Variants in SLC6A20 observed in about 807,000 individuals in gnomAD.
The protein encoded by SLC6A20 is solute carrier family 6 member 20, also known as sodium- and chloride-dependent transporter XTRP3.
In SLC6A20, 73 loss-of-function variants were observed where a neutral mutation model predicts 64.3. The observed-to-expected ratio is 1.14, with a 90% confidence interval of 0.94 to 1.38. SLC6A20 has a LOEUF of 1.38. SLC6A20 is among the 40% of genes most tolerant of loss of function. The pLI, the probability that SLC6A20 is intolerant of heterozygous loss-of-function variation, is 0.00. For missense variants in SLC6A20, 725 were observed against 772.8 expected, an observed-to-expected ratio of 0.94 and a Z score of 0.73; for synonymous variants, 347 against 329.6, an observed-to-expected ratio of 1.05 and a Z score of -0.57.
chr3:45,773,331 A>C (rs1265199800), intron 4 of SLC6A20, among the ~76,000 whole-genome samples: 2 of 152,250 alleles, frequency 1.3e-5, no homozygotes, highest in Admixed American at 6.5e-5. Flanking sequence ...CTTAGGCTTT[A>C]ACATTACACC....
intron 1 of SLC6A20, among the ~76,000 whole-genome samples, chr3:45,789,265 G>C (rs1344660233): frequency 6.6e-6 from 1 of 152,010 alleles, no homozygotes; most frequent in African/African-American, 2.4e-5. Context: ...TAAATCACTT[G>C]AGAAAAAAAG....
intron 1 of SLC6A20, among the ~76,000 whole-genome samples, chr3:45,786,670 T>C (rs1700174917): frequency 6.6e-6 from 1 of 152,236 alleles, no homozygotes; most frequent in African/African-American, 2.4e-5. Context: ...AACTATCCTA[T>C]TTCTCATACT....
chr3:45,785,872 T>A (rs897532183), intron 1 of SLC6A20, among the ~76,000 whole-genome samples: 1 of 152,144 alleles, frequency 6.6e-6, no homozygotes, highest in Admixed American at 6.5e-5. Context: ...GGCCTCAGGA[T>A]GCCTTGCAGC....
At chr3:45,782,349 T>A in intron 1 of SLC6A20, 126 bp from the exon 2 acceptor site, 1 of 1,273,748 alleles carries the variant, frequency 7.9e-7, no homozygotes, top group Non-Finnish European at 1.1e-6. Context: ...CTCCTACCTT[T>A]CCATCATCCA....
In SLC6A20 at chr3:45,775,769, T is replaced by G; in HGVS notation, c.574A>C (p.Thr192Pro). The G allele has an allele frequency of 6.2e-7, 1 of 1,613,470 alleles. No homozygotes were observed. The highest frequency in any genetic ancestry group is 1.1e-5 in the South Asian group (1 of 91,052). Residue 192 changes from threonine (T) to proline (P), a missense_variant, in exon 4 of 11, where the codon ACT (threonine) becomes CCT (proline). Coordinates refer to ENST00000358525, the MANE Select transcript of SLC6A20 (RefSeq NM_020208.4). ...GTGCCTCACTGTCCCACCTTGCCAGTGGACTCGGTGCCACGCAGGATGCAC... is the reference window on the plus strand; with the variant it reads ...GTGCCTCACTGTCCCACCTTGCCAGGGGACTCGGTGCCACGCAGGATGCAC... ...YLCILRGTES[T>P]GKVVYFTASL...
intron 1 of SLC6A20, among the ~76,000 whole-genome samples, chr3:45,787,648 C>G (rs1700191453): frequency 6.6e-6 from 1 of 152,104 alleles, no homozygotes; most frequent in African/African-American, 2.4e-5. Context: ...TCACTCAAAA[C>G]TAAGACCCAC....
rs981023169 is a variant in SLC6A20 at position 45,758,154 on chromosome 3, G to C, written c.*824C>G. On this transcript the variant is annotated 3_prime_UTR_variant, in exon 11 of 11. Coordinates refer to ENST00000358525, the MANE Select transcript of SLC6A20 (RefSeq NM_020208.4). The stretch of plus-strand genomic sequence containing the variant: ...GCTGGCCTCAAACTCCTGACCTCAA[G>C]TGATCCACCCACCTTGACCCCCAAG... The C allele has an allele frequency of 5.9e-6, 1 of 169,250 alleles. No homozygotes were observed. Among genetic ancestry groups the C allele is most frequent in the African/African-American group, 2.4e-5 (1 of 41,562 alleles). 10.5% of individuals were successfully genotyped at this position (169,250 alleles called of 1,614,324 possible).
intron 9 of SLC6A20, among the ~76,000 whole-genome samples, chr3:45,762,533 G>A (rs1699701925): frequency 6.6e-6 from 1 of 152,230 alleles, no homozygotes; most frequent in African/African-American, 2.4e-5. Context: ...ATTTTCTAAG[G>A]TCTAAGTTAT....
chr3:45,774,442 C>T (rs781182579), intron 4 of SLC6A20, among the ~76,000 whole-genome samples: 8 of 152,152 alleles, frequency 5.3e-5, no homozygotes, highest in Non-Finnish European at 8.8e-5. Context: ...CCAGGCTCTA[C>T]GATGGGACTG....
In SLC6A20 at chr3:45,765,055, A is replaced by C. The variant is rs1183575218; in HGVS notation, c.1303+482T>G. Among the ~76,000 whole-genome samples the C allele has an allele frequency of 2.0e-5, 3 of 151,780 alleles. No individual in the cohort carries two copies. The highest frequency in any genetic ancestry group is 4.4e-5 in the Non-Finnish European group (3 of 67,948). Reference sequence around the variant, plus strand: ...TGGTGAAACCCCTTCTCTACTAAAAATACAAAAATTAGCCAGGTGTCATGG... The same window carrying C: ...TGGTGAAACCCCTTCTCTACTAAAACTACAAAAATTAGCCAGGTGTCATGG... On this transcript the variant is annotated intron_variant, in intron 8 of 10. Coordinates refer to ENST00000358525, the MANE Select transcript of SLC6A20 (RefSeq NM_020208.4). This position sits in a 1 kb window ranked among gnomAD's most constrained non-coding sequence, Gnocchi z 4.2.
chr3:45,765,806 G>T lies in SLC6A20; in HGVS notation c.1099-65C>A. The T allele has an allele frequency of 1.3e-6, 2 of 1,564,118 alleles. No homozygotes were observed. The highest frequency in any genetic ancestry group is 1.8e-6 in the Non-Finnish European group (2 of 1,140,464). ...ACTTATAGTCTTATTCACGCACTCAGTACTAAGCAACATGGGGGACCTTGG... is the reference window on the plus strand; with the variant it reads ...ACTTATAGTCTTATTCACGCACTCATTACTAAGCAACATGGGGGACCTTGG... On this transcript the variant is annotated intron_variant, in intron 7 of 10. Transcript: ENST00000358525. The surrounding 1 kb of genome is among the most constrained non-coding windows in gnomAD (Gnocchi z 4.2).
chr3:45,784,564 T>C (rs1305433168), intron 1 of SLC6A20, among the ~76,000 whole-genome samples: 1 of 152,096 alleles, frequency 6.6e-6, no homozygotes, highest in African/African-American at 2.4e-5. Context: ...AACTATAGAC[T>C]GGGAGAAAAT....
Position 45,759,116 on chromosome 3 carries a change from C to A in SLC6A20, c.1641G>T (p.Val547=). Reference sequence around the variant, plus strand: ...GTGCATAGGCCGGGTAATCTTTGGTCACGAGCTGGCCCTGAAAGGAGAGAC... The same window carrying A: ...GTGCATAGGCCGGGTAATCTTTGGTAACGAGCTGGCCCTGAAAGGAGAGAC... ...QAWDASQGQL[V]TKDYPAYALA... The change falls in exon 11 of 11, where the codon GTG becomes GTT. Residue 547 remains valine (V), a synonymous_variant. Transcript: ENST00000358525. The A allele has an allele frequency of 1.2e-6, 2 of 1,610,314 alleles. No homozygotes were observed. The highest frequency in any genetic ancestry group is 2.2e-5 in the South Asian group (2 of 90,166).
chr3:45,780,578 G>A (rs994002240), intron 2 of SLC6A20, among the ~76,000 whole-genome samples: 10 of 152,178 alleles, frequency 6.6e-5, no homozygotes, highest in African/African-American at 1.9e-4. Flanking sequence ...GCTCACCAGC[G>A]GTTGAGTCAC....
chr3:45,773,405 T>G (rs996147487), intron 4 of SLC6A20, among the ~76,000 whole-genome samples: 2 of 152,222 alleles, frequency 1.3e-5, no homozygotes. Flanking sequence ...AGTTCAATGA[T>G]GTTTTGTTAA....
chr3:45,788,752 C>T (rs1374934919), intron 1 of SLC6A20, among the ~76,000 whole-genome samples: 1 of 152,114 alleles, frequency 6.6e-6, no homozygotes, highest in Non-Finnish European at 1.5e-5. Flanking sequence ...ACTCATGTGG[C>T]TACAAAGGAC....
rs943056818 is a variant in SLC6A20 at position 45,758,883 on chromosome 3, G to C, written c.*95C>G. On this transcript the variant is annotated 3_prime_UTR_variant, in exon 11 of 11. Transcript: ENST00000358525. Reference sequence around the variant, plus strand: ...TAGACACTCAGGAAGTTGATGGGCTGAGCACTCCTGGCTTAAGCATTTGAA... The same window carrying C: ...TAGACACTCAGGAAGTTGATGGGCTCAGCACTCCTGGCTTAAGCATTTGAA... 1 of 1,453,278 alleles carries C rather than the reference G, an allele frequency of 6.9e-7. No individual in the cohort carries two copies. The highest frequency in any genetic ancestry group is 1.4e-5 in the African/African-American group (1 of 70,196). 90.0% of individuals were successfully genotyped at this position (1,453,278 alleles called of 1,614,324 possible).
At chr3:45,762,822 A>ATG (rs1345372399) in intron 9 of SLC6A20, 91 bp downstream of exon 9, 3 of 1,508,866 alleles carry the variant, frequency 2.0e-6, no homozygotes, top group African/African-American at 2.8e-5. Context: ...AGAGGTGAAG[A>ATG]TGTGCATCAA....
intron 5 of SLC6A20, 26 bp from the exon 6 acceptor site, chr3:45,771,484 G>A: frequency 1.2e-6 from 2 of 1,612,880 alleles, no homozygotes; most frequent in Non-Finnish European, 8.5e-7. Context: ...GGACAGGGCT[G>A]ATGATCCCTG....
Sources: gnomAD v4.1 joint callset for allele counts (sites outside exome capture counted in the v4.1 genomes callset) on GRCh38, gnomAD v4.1.1 for gene constraint, Gnocchi (gnomAD v3.1) non-coding constraint, MANE v1.5 for transcripts, NCBI Gene and HGNC (gene_info 2026-07-23, HGNC 2026-07-21) for gene names.